Variants in LPP observed in about 807,000 individuals in gnomAD.
LPP encodes the protein LIM domain containing preferred translocation partner in lipoma, also known as lipoma-preferred partner.
In LPP, 38 loss-of-function variants were observed where a neutral mutation model predicts 60.4. The ratio of observed to expected loss-of-function variants is 0.63; its 90% CI spans 0.49 to 0.83. LPP has a LOEUF of 0.83. Ranked by LOEUF, LPP falls within the 40% of genes least tolerant of loss-of-function variation. The pLI is 0.00. For synonymous variants in LPP, 328 were observed against 290.8 expected (o/e 1.13, Z -1.30); for missense variants, 902 against 783.6 (o/e 1.15, Z -1.80).
chr3:188,224,362 C>T (rs35256385), intron 1 of LPP, among the ~76,000 whole-genome samples: 72,676 of 151,928 alleles, frequency 0.48, 17,821 homozygotes, highest in Middle Eastern at 0.54. Context: ...GGTAGTTTCT[C>T]GTATGTGGAT....
At chr3:188,465,002 A>C (rs1195347008) in intron 4 of LPP, among the ~76,000 whole-genome samples, 1 of 148,450 alleles carries the variant, frequency 6.7e-6, no homozygotes, top group Non-Finnish European at 1.5e-5. Context: ...AAAAAAGCCC[A>C]AGCCCCAAAA....
chr3:188,377,619 C>G (rs1775543216), intron 3 of LPP, among the ~76,000 whole-genome samples: 2 of 151,996 alleles, frequency 1.3e-5, no homozygotes, highest in African/African-American at 2.4e-5. Flanking sequence ...AATTTTTTTT[C>G]AAAGCTTTTA....
intron 4 of LPP, among the ~76,000 whole-genome samples, chr3:188,408,662 T>C (rs1039330192): frequency 9.8e-5 from 15 of 152,356 alleles, no homozygotes; most frequent in African/African-American, 3.6e-4. Flanking sequence ...TGCTCCTGCT[T>C]ACATTCTGTC....
intron 2 of LPP, among the ~76,000 whole-genome samples, chr3:188,332,330 A>G (rs1016592022): frequency 2.0e-5 from 3 of 152,192 alleles, no homozygotes; most frequent in African/African-American, 7.2e-5. Context: ...ATTGCATGTC[A>G]CTTAACTCCT....
chr3:188,500,373 T>C (rs1393785856), intron 5 of LPP, among the ~76,000 whole-genome samples: 3 of 152,178 alleles, frequency 2.0e-5, no homozygotes, highest in African/African-American at 7.2e-5. Context: ...ATTCTGTTAA[T>C]ATAATATATA....
intron 7 of LPP, among the ~76,000 whole-genome samples, chr3:188,618,651 A>T (rs1321082649): frequency 3.3e-5 from 5 of 152,240 alleles, no homozygotes; most frequent in African/African-American, 4.8e-5. Flanking sequence ...TTTCCGGGAC[A>T]TAACATATAT....
At chr3:188,795,558 A>G (rs1199212061) in intron 9 of LPP, among the ~76,000 whole-genome samples, 1 of 152,222 alleles carries the variant, frequency 6.6e-6, no homozygotes, top group African/African-American at 2.4e-5. Context: ...TTCCTTCTAC[A>G]AATATTCTAT....
chr3:188,485,644 A>AAAG (rs1806173317), intron 5 of LPP, among the ~76,000 whole-genome samples: 1 of 151,040 alleles, frequency 6.6e-6, no homozygotes, highest in East Asian at 1.9e-4. Context: ...AAAAATACAA[A>AAAG]AAATTAGCCG....
intron 7 of LPP, among the ~76,000 whole-genome samples, chr3:188,663,711 G>T (rs961125759): frequency 2.0e-5 from 3 of 152,108 alleles, no homozygotes; most frequent in Non-Finnish European, 4.4e-5. Flanking sequence ...GACCTTTTTG[G>T]CACCAATGAC....
chr3:188,729,805 C>T lies in LPP; in HGVS notation c.1240+21412C>T, dbSNP rs116822332. Among the ~76,000 whole-genome samples, 847 of 149,898 alleles carry T rather than the reference C, an allele frequency of 5.7e-3. 6 individuals carry two copies. The highest frequency in any genetic ancestry group is 0.02 in the African/African-American group (799 of 40,852). The stretch of plus-strand genomic sequence containing the variant: ...CCAGCCTGGGCAACATAGTAAGACC[C>T]TGTCTGTACAAAAAGTGAAAAAAAA... On this transcript the variant is annotated intron_variant, in intron 8 of 11. Coordinates refer to ENST00000617246, the MANE Select transcript of LPP (RefSeq NM_001375462.1).
At chr3:188,848,703 C>G (rs994689269) in intron 9 of LPP, among the ~76,000 whole-genome samples, 5 of 152,194 alleles carry the variant, frequency 3.3e-5, no homozygotes, top group Admixed American at 2.6e-4. Flanking sequence ...TGCAGTGGCT[C>G]ACGCCTATAA....
At chr3:188,159,288 C>G (rs537073131) in intron 1 of LPP, among the ~76,000 whole-genome samples, 1 of 152,172 alleles carries the variant, frequency 6.6e-6, no homozygotes, top group Non-Finnish European at 1.5e-5. Flanking sequence ...GGAACACCTA[C>G]AATCCTTCCT....
chr3:188,545,878 T>G (rs942459710), intron 6 of LPP, among the ~76,000 whole-genome samples: 7 of 152,104 alleles, frequency 4.6e-5, no homozygotes, highest in Admixed American at 6.6e-5. Flanking sequence ...CCACCTTTGT[T>G]GTTGGGGTTG....
At chr3:188,488,444 T>C (rs1221816023) in intron 5 of LPP, among the ~76,000 whole-genome samples, 1 of 152,184 alleles carries the variant, frequency 6.6e-6, no homozygotes. Context: ...GTGACCTCCA[T>C]GCCTGTGATG....
intron 4 of LPP, among the ~76,000 whole-genome samples, chr3:188,483,569 G>A (rs7645311): frequency 0.58 from 87,599 of 151,972 alleles, 25,494 homozygotes; most frequent in East Asian, 0.66. Flanking sequence ...CCCCAATACA[G>A]TTTTTTGCAG....
chr3:188,415,651 C>T (rs6808893), intron 4 of LPP, among the ~76,000 whole-genome samples: 83,691 of 151,612 alleles, frequency 0.55, 23,380 homozygotes, highest in East Asian at 0.67. Context: ...TATGCAATAA[C>T]CTGGACATGC....
chr3:188,852,283 G>A (rs1762846281), intron 9 of LPP, among the ~76,000 whole-genome samples: 1 of 152,148 alleles, frequency 6.6e-6, no homozygotes, highest in African/African-American at 2.4e-5. Flanking sequence ...CTTACACCTG[G>A]GCCAGGAGTG....
At chr3:188,623,048 G>GA (rs1846106240) in intron 7 of LPP, among the ~76,000 whole-genome samples, 1 of 53,920 alleles carries the variant, frequency 1.9e-5, no homozygotes, top group Non-Finnish European at 3.5e-5. Context: ...AAAAAAAAAA[G>GA]AGAGAGCTAA....
At chr3:188,371,242 C>A (rs1772980155) in intron 3 of LPP, among the ~76,000 whole-genome samples, 1 of 152,004 alleles carries the variant, frequency 6.6e-6, no homozygotes. Context: ...CATTAAATGA[C>A]CCACTATGGG....
Sources: allele counts gnomAD v4.1 joint callset (sites outside exome capture counted in the v4.1 genomes callset), GRCh38; gene constraint gnomAD v4.1.1; transcripts MANE v1.5; gene names NCBI Gene and HGNC (gene_info 2026-07-23, HGNC 2026-07-21).